The following NUMA1 variants were observed in gnomAD, a reference collection of about 807,000 sequenced individuals.
The protein encoded by NUMA1 is nuclear mitotic apparatus protein 1.
NUMA1 carries 62 observed loss-of-function variants against 237.1 expected under a neutral mutation model. The observed-to-expected ratio is 0.26, with a 90% CI of 0.21 to 0.32. The LOEUF (loss-of-function observed/expected upper bound fraction) is 0.32, where lower values mean the gene tolerates loss of function less well. Ranked by LOEUF, NUMA1 falls within the 10% of genes least tolerant of loss-of-function variation. The pLI is 1.00. For synonymous variants in NUMA1, 1,028 were observed against 1,066.1 expected (o/e 0.96, Z 0.70); for missense variants, 2,533 against 2,666.5 (o/e 0.95, Z 1.10).
intron 2 of NUMA1, among the ~76,000 whole-genome samples, chr11:72,040,445 T>TACACAC (rs66621771): frequency 5.1e-5 from 7 of 136,554 alleles, no homozygotes; most frequent in East Asian, 2.2e-4. Flanking sequence ...CGCGTACACA[T>TACACAC]ACACACACAC....
intron 2 of NUMA1, among the ~76,000 whole-genome samples, chr11:72,069,444 C>A (rs2136259196): frequency 6.6e-6 from 1 of 152,300 alleles, no homozygotes. Context: ...TTCCTTCACT[C>A]CCCTGATCAA....
intron 16 of NUMA1, chr11:72,012,170 A>G: frequency 3.9e-6 from 2 of 507,994 alleles, no homozygotes; most frequent in South Asian, 6.5e-5. Flanking sequence ...GGCAAATGAG[A>G]GAAGGTGCAG....
chr11:72,069,789 C>T (rs1323681025), intron 2 of NUMA1, 53 bp downstream of exon 2: 1 of 152,168 alleles, frequency 6.6e-6, no homozygotes. Flanking sequence ...AGATCCTGCT[C>T]AGGACAAAGC....
At chr11:72,019,387 T>A in intron 9 of NUMA1, 107 bp downstream of exon 9, 1 of 1,438,580 alleles carries the variant, frequency 7.0e-7, no homozygotes, top group South Asian at 1.3e-5. Flanking sequence ...TACCGGATAC[T>A]CTAAGCACTC....
chr11:72,011,111 G>A (rs1334411783), intron 16 of NUMA1, among the ~76,000 whole-genome samples: 1 of 152,184 alleles, frequency 6.6e-6, no homozygotes, highest in Non-Finnish European at 1.5e-5. Flanking sequence ...CAGAGACAGA[G>A]GCCTGCCCAA....
chr11:72,014,787 G>C lies in NUMA1; in HGVS notation c.2716C>G (p.Gln906Glu). The change falls in exon 15 of 27, where the codon CAG becomes GAG. Residue 906 changes from glutamine (Q) to glutamate (E), a missense_variant. Around this residue, in one of 3 missense-constraint regions of NUMA1, gnomAD observed 1,414 missense variants for 1,508.1 expected, o/e 0.94. Coordinates refer to ENST00000393695, the MANE Select transcript of NUMA1 (RefSeq NM_006185.4). The surrounding 1 kb of genome is among the most constrained non-coding windows in gnomAD (Gnocchi z 4.6). ...TTGCTGGTGGCAGCCATCTTTTCCT[G>C]CAGAGTGGAGAGGTCATCTGCAAGC... ...QKLADDLSTLQEKMAATSKEV... is the reference protein window; with the variant it reads ...QKLADDLSTLEEKMAATSKEV... The C allele has an allele frequency of 6.2e-7, 1 of 1,614,166 alleles. No individual in the cohort carries two copies. Among genetic ancestry groups the C allele is most frequent in the South Asian group, 1.1e-5 (1 of 91,084 alleles).
intron 3 of NUMA1, 110 bp downstream of exon 3, chr11:72,035,792 T>C: frequency 1.0e-6 from 1 of 956,932 alleles, no homozygotes; most frequent in Non-Finnish European, 1.7e-6. Flanking sequence ...AACTATTTAG[T>C]CTAGAAATGA....
At chr11:72,017,617 A>G (rs755625075) in intron 13 of NUMA1, 70 bp downstream of exon 13, 1 of 1,570,612 alleles carries the variant, frequency 6.4e-7, no homozygotes, top group Non-Finnish European at 8.7e-7. Flanking sequence ...CCAGAAGAGC[A>G]CAGTGGTAAA....
At position 72,014,514 on chromosome 11, in the gene NUMA1, C is replaced by T. The variant is rs1956372239; in HGVS notation, c.2989G>A (p.Glu997Lys). The T allele has an allele frequency of 4.4e-6, 7 of 1,601,746 alleles. No individual in the cohort carries two copies. Among genetic ancestry groups the T allele is most frequent in the African/African-American group, 2.7e-5 (2 of 74,938 alleles). Reference sequence around the variant, plus strand: ...TCCCTTTCCTGCTGCCCACGCTCCTCCTGCTGCTGCCCCTGGCTCTCCATC... The same window carrying T: ...TCCCTTTCCTGCTGCCCACGCTCCTTCTGCTGCTGCCCCTGGCTCTCCATC... ...ALMESQGQQQ[E>K]ERGQQEREVA... Residue 997 changes from glutamate to lysine, a missense_variant, in exon 15 of 27, where the codon GAG becomes AAG. By Grantham distance (56) the Glu-to-Lys change is moderately conservative (BLOSUM62 1). This residue lies in a region of NUMA1 where 1,414 missense variants were observed against 1,508.1 expected (regional missense o/e 0.94). Coordinates refer to ENST00000393695, the MANE Select transcript of NUMA1 (RefSeq NM_006185.4). This position sits in a 1 kb window ranked among gnomAD's most constrained non-coding sequence, Gnocchi z 4.6.
intron 19 of NUMA1, 23 bp downstream of exon 19, chr11:72,008,944 G>T: frequency 6.3e-7 from 1 of 1,597,798 alleles, no homozygotes; most frequent in South Asian, 1.1e-5. Context: ...GGAGTGAGGT[G>T]AGTCTGCCAG....
rs780842018 is a variant in NUMA1, at chr11:72,035,987, G to A, written c.-32-12C>T. On this transcript the variant is annotated splice_polypyrimidine_tract_variant and intron_variant, in intron 2 of 26. Coordinates refer to ENST00000393695, the MANE Select transcript of NUMA1 (RefSeq NM_006185.4). ...TCACTCCAATGCGCCTGGAACCCAA[G>A]AGAGGAAGAAAAGCAGTTAATCATA... 1.2e-6 allele frequency: 2 copies of A among 1,600,842 alleles called. No individual in the cohort carries two copies. Among genetic ancestry groups the A allele is most frequent in the Non-Finnish European group, 1.7e-6 (2 of 1,168,034 alleles).
intron 17 of NUMA1, 66 bp downstream of exon 17, chr11:72,010,720 C>G (rs1257067093): frequency 1.3e-6 from 2 of 1,532,570 alleles, no homozygotes; most frequent in African/African-American, 2.7e-5. Flanking sequence ...CCCCACGGCC[C>G]CAGAGCTTAG....
At position 72,014,304 on chromosome 11, in the gene NUMA1, C is replaced by G. The variant is rs1234452506; in HGVS notation, c.3199G>C (p.Ala1067Pro). The change falls in exon 15 of 27, where the codon GCC (alanine) becomes CCC (proline). Residue 1067 changes from alanine (A) to proline (P), a missense_variant. Around this residue, in one of 3 missense-constraint regions of NUMA1, gnomAD observed 1,414 missense variants for 1,508.1 expected, o/e 0.94. Coordinates refer to ENST00000393695, the MANE Select transcript of NUMA1 (RefSeq NM_006185.4). The surrounding 1 kb of genome is among the most constrained non-coding windows in gnomAD (Gnocchi z 4.6). ...GCTGCCTCCAGACCACGAAGCTTGG[C>G]CAACTCCTGGTCCTTGCCTTCCTTT... ...TEKEGKDQEL[A>P]KLRGLEAAQI... is the part of the protein sequence containing the mutation. 6.2e-7 allele frequency: 1 copy of G among 1,613,938 alleles called. No homozygotes were observed. The highest frequency in any genetic ancestry group is 8.5e-7 in the Non-Finnish European group (1 of 1,180,050).
Position 72,073,384 on chromosome 11 carries a change from G to C in NUMA1, c.-102-3473C>G, listed in dbSNP as rs543115479. ...ATTAAGCACACTCTCAGTAAACCAT[G>C]AATCTGACAGAGCTACCCAAAACAT... On this transcript the variant is annotated intron_variant, in intron 1 of 26. Transcript: ENST00000393695. Among the ~76,000 whole-genome samples, 164 of 151,528 alleles carry C rather than the reference G, an allele frequency of 1.1e-3. 1 individual carries two copies. Among genetic ancestry groups the C allele is most frequent in the African/African-American group, 3.3e-3 (136 of 41,318 alleles).
chr11:72,076,305 C>T (rs1346040669), intron 1 of NUMA1, among the ~76,000 whole-genome samples: 1 of 152,120 alleles, frequency 6.6e-6, no homozygotes, highest in Non-Finnish European at 1.5e-5. Context: ...GCCCAGGAGG[C>T]AGAGGTTGCA....
At position 72,014,385 on chromosome 11, in the gene NUMA1, C is replaced by T. The variant is rs754504305; in HGVS notation, c.3118G>A (p.Glu1040Lys). ...LEMRLQNALNEQRVEFATLQE... is the reference protein window; with the variant it reads ...LEMRLQNALNKQRVEFATLQE... ...AGGGTAGCGAACTCCACACGCTGCTCGTTGAGGGCGTTCTGCAGCCGCATC... is the reference window on the plus strand; with the variant it reads ...AGGGTAGCGAACTCCACACGCTGCTTGTTGAGGGCGTTCTGCAGCCGCATC... The change falls in exon 15 of 27, where the codon GAG (glutamate) becomes AAG (lysine). Residue 1040 changes from glutamate (E) to lysine (K), a missense_variant. Glu to Lys is a moderately conservative substitution (Grantham distance 56, BLOSUM62 1). Coordinates refer to ENST00000393695, the MANE Select transcript of NUMA1 (RefSeq NM_006185.4). This position sits in a 1 kb window ranked among gnomAD's most constrained non-coding sequence, Gnocchi z 4.6. The T allele has an allele frequency of 1.2e-5, 19 of 1,612,040 alleles. No homozygotes were observed. The highest frequency in any genetic ancestry group is 1.4e-5 in the Non-Finnish European group (17 of 1,180,038).
Position 72,073,048 on chromosome 11 carries a change from C to CAAAAAAAAAAAAAAAAA in NUMA1, c.-102-3154_-102-3138dup, listed in dbSNP as rs71052849. Among the ~76,000 whole-genome samples, 8 of 38,976 alleles carry CAAAAAAAAAAAAAAAAA rather than the reference C, an allele frequency of 2.1e-4. 3 individuals carry two copies. The highest frequency in any genetic ancestry group is 2.0e-3 in the East Asian group (2 of 982). 25.6% of individuals were successfully genotyped at this position (38,976 alleles called of 152,430 possible). A position where few individuals can be genotyped will look rare whatever the true frequency, so the allele number is the denominator to read the frequency against. ...GGTGACACAGAGCGAGACTCCGTCT[C>CAAAAAAAAAAAAAAAAA]AAAAAAAAAAAAAAAAAAAAGCTGC... is the stretch of plus-strand genomic sequence containing the variant. On this transcript the variant is annotated intron_variant, in intron 1 of 26. Transcript: ENST00000393695.
chr11:72,010,433 T>C (rs933060836), intron 17 of NUMA1, among the ~76,000 whole-genome samples: 4 of 152,260 alleles, frequency 2.6e-5, no homozygotes, highest in Non-Finnish European at 5.9e-5. Flanking sequence ...GAATGTTCTG[T>C]ATCTGCGCTG....
chr11:72,044,667 C>CTTT (rs1196162358), intron 2 of NUMA1, among the ~76,000 whole-genome samples: 13 of 125,568 alleles, frequency 1.0e-4, no homozygotes, highest in East Asian at 2.2e-4. Flanking sequence ...TGTATGTTTG[C>CTTT]TTTTTTTTTT....
Sources: allele counts gnomAD v4.1 joint callset (sites outside exome capture counted in the v4.1 genomes callset), GRCh38; gene constraint gnomAD v4.1.1; regional missense constraint gnomAD v4.1.1; non-coding constraint Gnocchi (gnomAD v3.1); transcripts MANE v1.5; gene names NCBI Gene and HGNC (gene_info 2026-07-23, HGNC 2026-07-21).